Variants in KCTD5 observed in about 807,000 individuals in gnomAD.
KCTD5 encodes the protein potassium channel tetramerization domain containing 5, also known as BTB/POZ domain-containing protein KCTD5.
In KCTD5, 12 loss-of-function variants were observed where a neutral mutation model predicts 27.9. That is an observed-to-expected ratio of 0.43 (90% CI 0.28 to 0.70). The LOEUF is 0.70. KCTD5 is among the 30% of genes least tolerant of loss of function. The probability of loss-of-function intolerance (pLI) is 0.19; values close to 1 mark genes in which losing one functional copy is unlikely to be tolerated. For missense variants in KCTD5, 226 were observed against 274.8 expected, an observed-to-expected ratio of 0.82 and a Z score of 1.26; for synonymous variants, 147 against 121.4, an observed-to-expected ratio of 1.21 and a Z score of -1.39.
intron 1 of KCTD5, among the ~76,000 whole-genome samples, chr16:2,686,664 C>A (rs930610237): frequency 9.3e-5 from 10 of 107,412 alleles, no homozygotes; most frequent in Non-Finnish European, 1.7e-4. Context: ...TGAACAGGGC[C>A]GTTGTCCCGG....
chr16:2,707,056 G>A (rs1209883532), intron 5 of KCTD5, among the ~76,000 whole-genome samples: 1 of 152,026 alleles, frequency 6.6e-6, no homozygotes, highest in Non-Finnish European at 1.5e-5. Context: ...CTTTGGGTGG[G>A]TCTGGGAGGG....
At chr16:2,682,910 T>A in intron 1 of KCTD5, 110 bp downstream of exon 1, 1 of 1,330,844 alleles carries the variant, frequency 7.5e-7, no homozygotes, top group Admixed American at 3.4e-5. Context: ...GCGACTCTCC[T>A]CGGGCTTCGA....
intron 3 of KCTD5, 65 bp from the exon 4 acceptor site, chr16:2,699,756 C>A: frequency 1.3e-6 from 2 of 1,484,406 alleles, no homozygotes; most frequent in Non-Finnish European, 1.9e-6. Context: ...GTCACCTGGG[C>A]TGGGGCCACA....
chr16:2,689,373 T>G (rs2142052716), intron 1 of KCTD5, among the ~76,000 whole-genome samples: 1 of 72,882 alleles, frequency 1.4e-5, no homozygotes, highest in South Asian at 5.4e-4. Context: ...AACTAAGTAT[T>G]TCTAATTAGG....
intron 1 of KCTD5, among the ~76,000 whole-genome samples, chr16:2,687,545 A>G (rs1432772815): frequency 6.6e-6 from 1 of 152,244 alleles, no homozygotes; most frequent in East Asian, 1.9e-4. Context: ...AGGAATGCAG[A>G]GATGCCCATT....
chr16:2,706,903 G>C (rs1436269698), intron 5 of KCTD5, among the ~76,000 whole-genome samples: 1 of 151,770 alleles, frequency 6.6e-6, no homozygotes, highest in Non-Finnish European at 1.5e-5. Context: ...GGGTGGGGGT[G>C]GGGGCTGCAG....
intron 4 of KCTD5, among the ~76,000 whole-genome samples, chr16:2,701,318 A>AG (rs1455263366): frequency 6.6e-5 from 10 of 152,294 alleles, no homozygotes; most frequent in African/African-American, 9.6e-5. Context: ...CATGTAGGGA[A>AG]GCCGCTGGGC....
chr16:2,702,312 A>T, intron 4 of KCTD5, 41 bp from the exon 5 acceptor site: 1 of 1,610,690 alleles, frequency 6.2e-7, no homozygotes, highest in Non-Finnish European at 8.5e-7. Flanking sequence ...TGGGTCTCTC[A>T]GGCTTCACTG....
At chr16:2,687,388 A>G (rs1384552562) in intron 1 of KCTD5, among the ~76,000 whole-genome samples, 2 of 152,170 alleles carry the variant, frequency 1.3e-5, no homozygotes, top group East Asian at 3.9e-4. Context: ...CTGGGAGGAA[A>G]TGCTGTCGCT....
intron 2 of KCTD5, among the ~76,000 whole-genome samples, chr16:2,696,908 G>A (rs897898301): frequency 7.2e-5 from 11 of 152,234 alleles, no homozygotes; most frequent in African/African-American, 2.2e-4. Context: ...TTGGGCAGCC[G>A]CTTGTGTTGT....
At chr16:2,703,984 T>G (rs1377237740) in intron 5 of KCTD5, among the ~76,000 whole-genome samples, 1 of 152,220 alleles carries the variant, frequency 6.6e-6, no homozygotes, top group Non-Finnish European at 1.5e-5. Flanking sequence ...TTTAGAAGTT[T>G]TTTATTTCTG....
At chr16:2,693,500 T>G (rs2142054755) in intron 1 of KCTD5, among the ~76,000 whole-genome samples, 1 of 152,338 alleles carries the variant, frequency 6.6e-6, no homozygotes, top group South Asian at 2.1e-4. Flanking sequence ...CCTGCCCGTC[T>G]TGAGGCCGAG....
chr16:2,704,370 C>T (rs2067625556), intron 5 of KCTD5, among the ~76,000 whole-genome samples: 1 of 152,188 alleles, frequency 6.6e-6, no homozygotes, highest in African/African-American at 2.4e-5. Context: ...TGGCCTGGCC[C>T]TGCTGGGCAG....
chr16:2,707,717 G>A lies in KCTD5; in HGVS notation c.*390G>A, dbSNP rs912742758. ...TGGGCTTCACTGGCAGGAAGCGGCC[G>A]CAGCCGCGTCAGTGTCCAGCACGTC... is the stretch of plus-strand genomic sequence containing the variant. On this transcript the variant is annotated 3_prime_UTR_variant, in exon 6 of 6. Transcript: ENST00000301738. 5.9e-5 allele frequency: 29 copies of A among 493,876 alleles called. No individual in the cohort carries two copies. The highest frequency in any genetic ancestry group is 5.3e-4 in the Middle Eastern group (1 of 1,870). 30.6% of individuals were successfully genotyped at this position (493,876 alleles called of 1,614,324 possible). A position where few individuals can be genotyped will look rare whatever the true frequency, so the allele number is the denominator to read the frequency against.
chr16:2,687,872 A>G (rs2067547354), intron 1 of KCTD5, among the ~76,000 whole-genome samples: 1 of 152,078 alleles, frequency 6.6e-6, no homozygotes, highest in Non-Finnish European at 1.5e-5. Flanking sequence ...CTCCCAGGAC[A>G]TGCTTGTTCT....
In KCTD5 at chr16:2,682,776, C is replaced by A; in HGVS notation, c.228C>A (p.Ala76=). ...PKSFLYRLCQ[A]DPDLDSDKDE... ...CCTTCCTGTACCGCTTATGCCAGGC[C>A]GATCCCGACCTGGACTCAGACAAGG... The change falls in exon 1 of 6, where the codon GCC becomes GCA. Residue 76 remains alanine, a synonymous_variant. Transcript: ENST00000301738. The A allele has an allele frequency of 2.5e-6, 4 of 1,601,256 alleles. No homozygotes were observed. Among genetic ancestry groups the A allele is most frequent in the Non-Finnish European group, 3.4e-6 (4 of 1,174,938 alleles).
At chr16:2,693,124 G>C (rs1463303931) in intron 1 of KCTD5, among the ~76,000 whole-genome samples, 1 of 152,230 alleles carries the variant, frequency 6.6e-6, no homozygotes, top group Non-Finnish European at 1.5e-5. Context: ...CTCACCGCTG[G>C]TGCCACTCTC....
At chr16:2,702,264 T>C (rs990960768) in intron 4 of KCTD5, 89 bp from the exon 5 acceptor site, 2 of 1,535,430 alleles carry the variant, frequency 1.3e-6, no homozygotes, top group African/African-American at 2.8e-5. Flanking sequence ...GCTTTCGCGG[T>C]GGCAGGCGCG....
intron 1 of KCTD5, chr16:2,684,437 C>T (rs908203220): frequency 6.6e-6 from 1 of 151,068 alleles, no homozygotes; most frequent in Non-Finnish European, 1.5e-5. Flanking sequence ...CGTTCAAAAC[C>T]AACCGGGCCA....
Sources: allele counts gnomAD v4.1 joint callset (sites outside exome capture counted in the v4.1 genomes callset), GRCh38; gene constraint gnomAD v4.1.1; transcripts MANE v1.5; gene names NCBI Gene and HGNC (gene_info 2026-07-23, HGNC 2026-07-21).